Variants in CXCL13 observed in about 807,000 individuals in gnomAD.
CXCL13 encodes the protein C-X-C motif chemokine ligand 13.
Under a neutral mutation model 12.2 loss-of-function variants are expected in CXCL13, and 7 were observed. The observed-to-expected ratio is 0.57, with a 90% confidence interval of 0.33 to 1.07. The LOEUF (loss-of-function observed/expected upper bound fraction) is 1.07. Ranked by LOEUF, CXCL13 falls within the 50% of genes least tolerant of loss-of-function variation. CXCL13 has a pLI of 0.04. For missense variants in CXCL13, 113 were observed against 127.4 expected (o/e 0.89, Z 0.55); for synonymous variants, 47 against 42.4 (o/e 1.11, Z -0.42).
rs190403542 is a variant in CXCL13, at chr4:77,516,750, A to C, written c.-43+4962A>C. The stretch of plus-strand genomic sequence containing the variant: ...GTCTATCAATTTTGTTGATCCATTC[A>C]AAAAACCAGCTCCTGGATTCATTAA... On this transcript the variant is annotated intron_variant, in intron 1 of 4. Transcript: ENST00000286758. 7.6e-3 allele frequency among the ~76,000 whole-genome samples: 1,151 copies of C among 152,150 alleles called. 14 individuals are homozygous for C. Among genetic ancestry groups the C allele is most frequent in the African/African-American group, 0.025 (1,039 of 41,496 alleles).
chr4:77,601,970 T>C (rs1726887891), upstream of CXCL13, among the ~76,000 whole-genome samples: 1 of 152,236 alleles, frequency 6.6e-6, no homozygotes, highest in Admixed American at 6.5e-5. Flanking sequence ...AGCAAACAGA[T>C]GTCAGATGTT....
intron 1 of CXCL13, among the ~76,000 whole-genome samples, chr4:77,551,013 G>T (rs574575392): frequency 2.6e-5 from 4 of 152,224 alleles, no homozygotes; most frequent in African/African-American, 9.6e-5. Context: ...GAGCTTTGGG[G>T]TTTCCTTATG....
chr4:77,581,790 C>G (rs1726340343), intron 1 of CXCL13, among the ~76,000 whole-genome samples: 1 of 152,122 alleles, frequency 6.6e-6, no homozygotes, highest in Admixed American at 6.6e-5. Flanking sequence ...AAATTGTCAG[C>G]CAATTAAACA....
At chr4:77,576,819 A>G (rs1280995955) in intron 1 of CXCL13, among the ~76,000 whole-genome samples, 1 of 152,250 alleles carries the variant, frequency 6.6e-6, no homozygotes, top group Non-Finnish European at 1.5e-5. Flanking sequence ...AAGACTTATA[A>G]GCCTAAAGTC....
chr4:77,608,547 A>G (rs1727062469), intron 2 of CXCL13, among the ~76,000 whole-genome samples: 1 of 152,072 alleles, frequency 6.6e-6, no homozygotes, highest in Admixed American at 6.5e-5. Flanking sequence ...TAGGCACAGC[A>G]TCTTTCTCAG....
chr4:77,520,343 A>G (rs1056512480), intron 1 of CXCL13, among the ~76,000 whole-genome samples: 1 of 152,186 alleles, frequency 6.6e-6, no homozygotes, highest in African/African-American at 2.4e-5. Flanking sequence ...CTTCCTACCC[A>G]TGAGCATGGA....
chr4:77,598,844 C>G (rs1415176906), intron 1 of CXCL13, among the ~76,000 whole-genome samples: 1 of 151,312 alleles, frequency 6.6e-6, no homozygotes, highest in Non-Finnish European at 1.5e-5. Context: ...GAGATGGAGT[C>G]TCACCCAGGC....
intron 1 of CXCL13, among the ~76,000 whole-genome samples, chr4:77,545,448 G>C (rs1445883553): frequency 6.6e-6 from 1 of 152,128 alleles, no homozygotes; most frequent in African/African-American, 2.4e-5. Flanking sequence ...AGTTCTCCTT[G>C]AAGAGGTCCT....
Position 77,543,867 on chromosome 4 carries a change from A to G in CXCL13, c.-43+32079A>G, listed in dbSNP as rs146439925. Among the ~76,000 whole-genome samples, 665 of 152,176 alleles carry G rather than the reference A, an allele frequency of 4.4e-3. 16 individuals are homozygous for G. The highest frequency in any genetic ancestry group is 0.026 in the East Asian group (134 of 5,168). ...CACCCACTAACTCGTCATTTACATT[A>G]GGTATTTCTCCTAATGCTATACCTC... On this transcript the variant is annotated intron_variant, in intron 1 of 4. Transcript: ENST00000286758.
intron 1 of CXCL13, among the ~76,000 whole-genome samples, chr4:77,543,759 T>A (rs1725263111): frequency 6.6e-6 from 1 of 152,140 alleles, no homozygotes; most frequent in African/African-American, 2.4e-5. Flanking sequence ...ATTTTTTAAA[T>A]TATTATACTT....
At chr4:77,597,364 C>T (rs2109833913) in intron 1 of CXCL13, among the ~76,000 whole-genome samples, 1 of 152,014 alleles carries the variant, frequency 6.6e-6, no homozygotes, top group East Asian at 1.9e-4. Flanking sequence ...ATTTTTTAAT[C>T]TTTTTGCATA....
chr4:77,561,029 A>G (rs1725798309), intron 1 of CXCL13, among the ~76,000 whole-genome samples: 1 of 152,180 alleles, frequency 6.6e-6, no homozygotes, highest in Non-Finnish European at 1.5e-5. Flanking sequence ...CAAGCTGGTT[A>G]TGTTCCATTT....
intron 1 of CXCL13, among the ~76,000 whole-genome samples, chr4:77,514,753 G>A (rs1724373286): frequency 6.6e-6 from 1 of 152,096 alleles, no homozygotes; most frequent in Non-Finnish European, 1.5e-5. Context: ...CCATTTTGTG[G>A]GATGCCTGTT....
At chr4:77,608,155 T>C (rs1325682393) in intron 2 of CXCL13, among the ~76,000 whole-genome samples, 3 of 152,090 alleles carry the variant, frequency 2.0e-5, no homozygotes, top group Non-Finnish European at 1.5e-5. Context: ...GAAAGTGCAT[T>C]AGTGGCCAGG....
chr4:77,586,993 T>C (rs1726488701), intron 1 of CXCL13, among the ~76,000 whole-genome samples: 2 of 152,172 alleles, frequency 1.3e-5, no homozygotes, highest in African/African-American at 4.8e-5. Flanking sequence ...CTTCAGCAAG[T>C]GACAGATGGT....
intron 1 of CXCL13, among the ~76,000 whole-genome samples, chr4:77,560,486 T>C (rs993019224): frequency 5.4e-4 from 82 of 152,330 alleles, no homozygotes; most frequent in African/African-American, 1.7e-3. Flanking sequence ...ACTTATAGAA[T>C]CATTTTATTA....
At chr4:77,532,287 A>C (rs960136604) in intron 1 of CXCL13, among the ~76,000 whole-genome samples, 1 of 152,100 alleles carries the variant, frequency 6.6e-6, no homozygotes, top group South Asian at 2.1e-4. Flanking sequence ...AAAGTATTTT[A>C]TTTCTCCTTC....
chr4:77,605,784 G>C, upstream of CXCL13: 1 of 789,142 alleles, frequency 1.3e-6, no homozygotes, highest in Non-Finnish European at 2.0e-6. Flanking sequence ...GCCCTTACTG[G>C]TATAAATAAA....
chr4:77,607,247 A>G (rs1727019610), intron 1 of CXCL13, among the ~76,000 whole-genome samples: 1 of 152,224 alleles, frequency 6.6e-6, no homozygotes, highest in Non-Finnish European at 1.5e-5. Flanking sequence ...GCTGTTCTCA[A>G]ATTTTATTAT....
Sources: gnomAD v4.1 joint callset for allele counts (sites outside exome capture counted in the v4.1 genomes callset) on GRCh38, gnomAD v4.1.1 for gene constraint, MANE v1.5 for transcripts, NCBI Gene and HGNC (gene_info 2026-07-23, HGNC 2026-07-21) for gene names.